HHAT: variants seen among roughly 807,000 people sequenced by gnomAD.
HHAT encodes hedgehog acyltransferase.
Under a neutral mutation model 70.8 loss-of-function variants are expected in HHAT, and 47 were observed. The observed-to-expected ratio is 0.66, with a 90% CI of 0.53 to 0.85. The LOEUF (loss-of-function observed/expected upper bound fraction) is 0.85, where lower values mean the gene tolerates loss of function less well. Among genes scored for constraint, HHAT ranks in the 40% least tolerant of loss-of-function variants. The pLI, the probability that HHAT is intolerant of heterozygous loss-of-function variation, is 0.00. For missense variants in HHAT, 609 were observed against 604.8 expected, an observed-to-expected ratio of 1.01 and a Z score of -0.07; for synonymous variants, 228 against 247.6, an observed-to-expected ratio of 0.92 and a Z score of 0.74.
chr1:210,418,410 AG>A, intron 7 of HHAT, 85 bp downstream of exon 7: 1 of 1,282,594 alleles, frequency 7.8e-7, no homozygotes, highest in Non-Finnish European at 1.1e-6. Context: ...GGGGGTGAGC[AG>A]GGGTGCAGGT....
rs570975499 is a variant in HHAT at position 210,581,172 on chromosome 1, T to C, written c.1044-6726T>C. 2.0e-5 allele frequency among the ~76,000 whole-genome samples: 3 copies of C among 152,316 alleles called. No individual in the cohort carries two copies. The South Asian group carries it at 6.2e-4, about 32-fold the overall frequency. ...TCCTTTTCCCACTTTTTGATGGGAT[T>C]ATTTGTTTTTTTCTTATAAATACAT... On this transcript the variant is annotated intron_variant, in intron 9 of 11. Coordinates refer to ENST00000261458, the MANE Select transcript of HHAT (RefSeq NM_018194.6).
intron 9 of HHAT, among the ~76,000 whole-genome samples, chr1:210,517,832 T>C (rs1558073527): frequency 7.8e-6 from 1 of 128,862 alleles, no homozygotes; most frequent in South Asian, 2.2e-4. Context: ...TAAAAAATAA[T>C]ATTTTAAAAA....
At chr1:210,420,275 T>A (rs930960488) in intron 7 of HHAT, among the ~76,000 whole-genome samples, 4 of 121,466 alleles carry the variant, frequency 3.3e-5, no homozygotes, top group African/African-American at 1.1e-4. Context: ...GTTTTCTTGT[T>A]TAACATTATG....
upstream of HHAT, among the ~76,000 whole-genome samples, chr1:210,327,956 G>A (rs1252249468): frequency 2.0e-5 from 3 of 152,182 alleles, no homozygotes; most frequent in Non-Finnish European, 4.4e-5. Context: ...AGAAAAGATA[G>A]CTCCAGCTCT....
chr1:210,479,196 G>A (rs181296465), intron 8 of HHAT, among the ~76,000 whole-genome samples: 297 of 152,204 alleles, frequency 2.0e-3, no homozygotes, highest in Non-Finnish European at 3.3e-3. Context: ...TCAATACTTC[G>A]CTTACAGACT....
chr1:210,595,091 A>T (rs1452410200), intron 10 of HHAT, among the ~76,000 whole-genome samples: 3 of 152,014 alleles, frequency 2.0e-5, no homozygotes, highest in Non-Finnish European at 4.4e-5. Context: ...CATTAGGTAT[A>T]TCTCCTAATG....
chr1:210,456,851 C>T (rs192368460), intron 7 of HHAT, among the ~76,000 whole-genome samples: 12 of 152,246 alleles, frequency 7.9e-5, no homozygotes, highest in Middle Eastern at 3.4e-3. Flanking sequence ...CCCCTCTGGC[C>T]GGTCAAGCTT....
intron 10 of HHAT, chr1:210,590,565 G>C (rs202241368): frequency 7.9e-5 from 1 of 12,702 alleles, no homozygotes; most frequent in African/African-American, 1.8e-4. Flanking sequence ...AAAAAAAAAA[G>C]GCAACAGAAG....
intron 1 of HHAT, among the ~76,000 whole-genome samples, chr1:210,340,242 G>GGGGGGAAAAAAAAAAAA (rs1553313987): frequency 3.0e-5 from 3 of 99,784 alleles, no homozygotes; most frequent in African/African-American, 1.0e-4. Context: ...CTCTGTCTCA[G>GGGGGGAAAAAAAAAAAA]AAAAAAAAAA....
chr1:210,670,185 C>A (rs1267457996), intron 11 of HHAT, among the ~76,000 whole-genome samples: 1 of 152,174 alleles, frequency 6.6e-6, no homozygotes, highest in African/African-American at 2.4e-5. Context: ...CTTACCATTC[C>A]ACTGTTATTT....
chr1:210,464,799 C>G, intron 8 of HHAT, 144 bp downstream of exon 8: 1 of 754,754 alleles, frequency 1.3e-6, no homozygotes, highest in Non-Finnish European at 2.2e-6. Flanking sequence ...ATCCTACTAA[C>G]AGGATGACTA....
chr1:210,511,780 C>CTTT lies in HHAT; in HGVS notation c.1008-1348_1008-1346dup, dbSNP rs201825628. 6.4e-4 allele frequency among the ~76,000 whole-genome samples: 57 copies of CTTT among 88,482 alleles called. 9 individuals carry two copies. Among genetic ancestry groups the CTTT allele is most frequent in the African/African-American group, 9.9e-4 (24 of 24,340 alleles). 58.0% of individuals were successfully genotyped at this position (88,482 alleles called of 152,430 possible). ...ATCATCATGATTCTGGCCGCCTGGT[C>CTTT]TTTTTTTTTTTTTTTTTTTTTTTTT... is the stretch of plus-strand genomic sequence containing the variant. On this transcript the variant is annotated intron_variant, in intron 8 of 11. Transcript: ENST00000261458.
rs568885933 is a variant in HHAT at position 210,449,206 on chromosome 1, A to T, written c.857-15299A>T. 5.9e-5 allele frequency among the ~76,000 whole-genome samples: 9 copies of T among 151,850 alleles called. No individual in the cohort carries two copies. In the East Asian group the frequency reaches 1.5e-3, roughly 26 times the overall value. ...GACACTCAGACTCTGGCCTCTGGCC[A>T]TGCTGTTCTGTCTTCTCTATCTAGC... On this transcript the variant is annotated intron_variant, in intron 7 of 11. Transcript: ENST00000261458.
intron 2 of HHAT, among the ~76,000 whole-genome samples, chr1:210,358,336 G>T (rs2087876510): frequency 6.6e-6 from 1 of 152,226 alleles, no homozygotes; most frequent in Admixed American, 6.5e-5. Flanking sequence ...AGTGGCAGAT[G>T]AGCAGCCCCA....
rs547596534 is a variant in HHAT, at chr1:210,578,317, T to G, written c.1044-9581T>G. On this transcript the variant is annotated intron_variant, in intron 9 of 11. Transcript: ENST00000261458. ...ATCACTTCATATGTGTTAGGATGGC[T>G]ATTATTTTCTAGAAAAAAAAGATAA... is the stretch of plus-strand genomic sequence containing the variant. Among the ~76,000 whole-genome samples the G allele has an allele frequency of 2.0e-5, 3 of 152,298 alleles. No homozygotes were observed. The East Asian group carries it at 5.8e-4, about 29-fold the overall frequency.
chr1:210,585,698 C>T (rs1383364074), intron 9 of HHAT, among the ~76,000 whole-genome samples: 2 of 152,084 alleles, frequency 1.3e-5, no homozygotes, highest in Non-Finnish European at 2.9e-5. Flanking sequence ...GGATTACAGG[C>T]AAGAGCCACT....
At chr1:210,525,235 C>T (rs2095228189) in intron 9 of HHAT, among the ~76,000 whole-genome samples, 1 of 152,054 alleles carries the variant, frequency 6.6e-6, no homozygotes, top group Non-Finnish European at 1.5e-5. Flanking sequence ...GACACAGAGA[C>T]CCTCTAAATC....
chr1:210,497,392 G>T (rs1342890192), intron 8 of HHAT, among the ~76,000 whole-genome samples: 3 of 152,210 alleles, frequency 2.0e-5, no homozygotes, highest in African/African-American at 7.2e-5. Flanking sequence ...TAGTTAAACA[G>T]TTAAAAGACC....
intron 4 of HHAT, among the ~76,000 whole-genome samples, chr1:210,399,967 A>C (rs754194804): frequency 1.3e-5 from 2 of 152,252 alleles, no homozygotes; most frequent in African/African-American, 2.4e-5. Flanking sequence ...CTACATATTT[A>C]AAATCTCTGG....
Sources: gnomAD v4.1 joint callset for allele counts (sites outside exome capture counted in the v4.1 genomes callset) on GRCh38, gnomAD v4.1.1 for gene constraint, MANE v1.5 for transcripts, NCBI Gene and HGNC (gene_info 2026-07-23, HGNC 2026-07-21) for gene names.